Variants in GRID2 observed in about 807,000 individuals in gnomAD.
GRID2 encodes glutamate receptor ionotropic, delta-2.
Under a neutral mutation model 114.8 loss-of-function variants are expected in GRID2, and 33 were observed. That is an observed-to-expected ratio of 0.29 (90% CI 0.22 to 0.38). The LOEUF is 0.38. GRID2 is among the 10% of genes least tolerant of loss of function. GRID2 has a pLI of 1.00. For missense variants in GRID2, 1,184 were observed against 1,257.7 expected (o/e 0.94, Z 0.89); for synonymous variants, 505 against 449.9 (o/e 1.12, Z -1.55).
At chr4:92,958,443 T>C (rs1022036267) in intron 2 of GRID2, among the ~76,000 whole-genome samples, 1 of 152,112 alleles carries the variant, frequency 6.6e-6, no homozygotes, top group African/African-American at 2.4e-5. Context: ...ATCTTTCTTA[T>C]TTAGCTTGTT....
chr4:93,733,508 T>C (rs1448213032), intron 14 of GRID2, among the ~76,000 whole-genome samples: 1 of 152,148 alleles, frequency 6.6e-6, no homozygotes. Flanking sequence ...GTTAAAATGA[T>C]GTATCTGTCT....
At chr4:92,428,747 T>C (rs1732285612) in intron 1 of GRID2, among the ~76,000 whole-genome samples, 1 of 152,230 alleles carries the variant, frequency 6.6e-6, no homozygotes, top group African/African-American at 2.4e-5. Flanking sequence ...TTTTAATGTT[T>C]ATTTTATTAT....
At chr4:93,701,628 C>A (rs1361753007) in intron 14 of GRID2, among the ~76,000 whole-genome samples, 3 of 151,914 alleles carry the variant, frequency 2.0e-5, no homozygotes, top group Non-Finnish European at 4.4e-5. Context: ...TTGATAAGTT[C>A]AAGAACATTA....
chr4:93,075,857 A>G, intron 2 of GRID2, among the ~76,000 whole-genome samples: 1 of 147,060 alleles, frequency 6.8e-6, no homozygotes, highest in Non-Finnish European at 1.5e-5. Context: ...ATACTCAGTA[A>G]GTATTGGGAT....
chr4:93,068,812 T>G (rs1728547625), intron 2 of GRID2, among the ~76,000 whole-genome samples: 1 of 152,000 alleles, frequency 6.6e-6, no homozygotes, highest in African/African-American at 2.4e-5. Flanking sequence ...ATTATTTCAT[T>G]ATTGCATTGC....
intron 2 of GRID2, among the ~76,000 whole-genome samples, chr4:92,705,388 T>C (rs1579880371): frequency 6.6e-6 from 1 of 152,180 alleles, no homozygotes; most frequent in Admixed American, 6.5e-5. Flanking sequence ...CCAGGCATTG[T>C]TGAAAGTGCT....
chr4:92,529,385 A>C (rs1725217385), intron 1 of GRID2, among the ~76,000 whole-genome samples: 1 of 152,114 alleles, frequency 6.6e-6, no homozygotes, highest in Admixed American at 6.6e-5. Flanking sequence ...ACAAATACAC[A>C]GATCAAAATG....
chr4:93,179,036 A>C (rs941230303), intron 4 of GRID2, among the ~76,000 whole-genome samples: 1 of 152,074 alleles, frequency 6.6e-6, no homozygotes, highest in Non-Finnish European at 1.5e-5. Flanking sequence ...GATGGCGGGC[A>C]CTCTGTAAAA....
At chr4:93,141,366 C>T (rs898796814) in intron 4 of GRID2, among the ~76,000 whole-genome samples, 1 of 151,948 alleles carries the variant, frequency 6.6e-6, no homozygotes, top group South Asian at 2.1e-4. Context: ...TGTGCTATAA[C>T]CTGGAAGCTT....
chr4:92,404,948 G>T (rs544471121), intron 1 of GRID2, among the ~76,000 whole-genome samples: 1 of 152,258 alleles, frequency 6.6e-6, no homozygotes, highest in Admixed American at 6.5e-5. Flanking sequence ...TAGGTGATGG[G>T]TTGATAGGTG....
intron 2 of GRID2, among the ~76,000 whole-genome samples, chr4:92,900,914 T>G (rs1310354826): frequency 7.5e-6 from 1 of 133,098 alleles, no homozygotes; most frequent in Non-Finnish European, 1.6e-5. Flanking sequence ...GATTTCATGT[T>G]TTATGACTGA....
chr4:93,205,781 A>C (rs936271803), intron 4 of GRID2, among the ~76,000 whole-genome samples: 7 of 152,062 alleles, frequency 4.6e-5, no homozygotes, highest in East Asian at 3.9e-4. Flanking sequence ...CCAACAGTGT[A>C]AAAGTGTTCC....
intron 14 of GRID2, among the ~76,000 whole-genome samples, chr4:93,740,455 C>T (rs1238665259): frequency 6.6e-6 from 1 of 152,196 alleles, no homozygotes; most frequent in East Asian, 1.9e-4. Context: ...ACTTAGCTCT[C>T]TAATCCATCT....
At chr4:93,204,001 G>A (rs986713449) in intron 4 of GRID2, 1 of 152,178 alleles carries the variant, frequency 6.6e-6, no homozygotes, top group Non-Finnish European at 1.5e-5. Flanking sequence ...GTCTAGCTGA[G>A]TGTCCCAGCA....
chr4:92,952,869 C>T (rs1304046402), intron 2 of GRID2, among the ~76,000 whole-genome samples: 1 of 152,170 alleles, frequency 6.6e-6, no homozygotes, highest in African/African-American at 2.4e-5. Context: ...TGTACTGTCT[C>T]ACAGCTCTTA....
intron 2 of GRID2, among the ~76,000 whole-genome samples, chr4:93,077,889 T>A (rs1729478458): frequency 6.6e-6 from 1 of 152,192 alleles, no homozygotes; most frequent in Non-Finnish European, 1.5e-5. Context: ...TGTATATAAT[T>A]TTAAAATTTC....
chr4:92,904,338 TAAA>T (rs1175961061), intron 2 of GRID2, among the ~76,000 whole-genome samples: 1 of 149,748 alleles, frequency 6.7e-6, no homozygotes, highest in Admixed American at 6.7e-5. Context: ...AAATAAATAA[TAAA>T]ATAAATAAAA....
At chr4:92,306,030 C>G (rs1725384242) in intron 1 of GRID2, among the ~76,000 whole-genome samples, 1 of 152,198 alleles carries the variant, frequency 6.6e-6, no homozygotes, top group Admixed American at 6.5e-5. Flanking sequence ...CACGCATACA[C>G]ATACACACAC....
intron 8 of GRID2, among the ~76,000 whole-genome samples, chr4:93,347,649 G>A (rs149301549): frequency 0.018 from 2,784 of 152,024 alleles, 33 homozygotes; most frequent in Middle Eastern, 0.031. Flanking sequence ...TCATATAAGC[G>A]CTTTCCATAT....
Sources: gnomAD v4.1 joint callset for allele counts (sites outside exome capture counted in the v4.1 genomes callset) on GRCh38, gnomAD v4.1.1 for gene constraint, MANE v1.5 for transcripts, NCBI Gene and HGNC (gene_info 2026-07-23, HGNC 2026-07-21) for gene names.